Variants in DLC1 observed in about 807,000 individuals in gnomAD.
DLC1 encodes the protein DLC1 Rho GTPase activating protein.
In DLC1, 54 loss-of-function variants were observed where a neutral mutation model predicts 140.3. The observed-to-expected ratio is 0.38, with a 90% CI of 0.31 to 0.48. DLC1 has a LOEUF of 0.48. Ranked by LOEUF, DLC1 falls within the 20% of genes least tolerant of loss-of-function variation. The pLI is 0.96. For missense variants in DLC1, 2,536 were observed against 1,907.0 expected (o/e 1.33, Z -6.14); for synonymous variants, 986 against 728.1 (o/e 1.35, Z -5.70).
At chr8:13,227,265 T>C (rs896599698) in intron 5 of DLC1, among the ~76,000 whole-genome samples, 3 of 152,240 alleles carry the variant, frequency 2.0e-5, no homozygotes, top group African/African-American at 7.2e-5. Flanking sequence ...ACAAGAACTG[T>C]ATCGCCATCT....
intron 3 of DLC1, among the ~76,000 whole-genome samples, chr8:13,398,559 GCC>G (rs1045754887): frequency 1.4e-5 from 2 of 139,968 alleles, no homozygotes; most frequent in African/African-American, 5.4e-5. Flanking sequence ...GAGGCCAGGA[GCC>G]CTAGAACATA....
intron 2 of DLC1, among the ~76,000 whole-genome samples, chr8:13,431,482 C>CAAAAAAAAAAAAAAAAAAAAAA: frequency 2.5e-5 from 1 of 40,596 alleles, no homozygotes; most frequent in Non-Finnish European, 3.9e-5. Context: ...GACTCCGTCT[C>CAAAAAAAAAAAAAAAAAAAAAA]AAAAAAAAAA....
intron 4 of DLC1, among the ~76,000 whole-genome samples, chr8:13,351,848 A>C (rs1834682465): frequency 1.3e-5 from 2 of 152,234 alleles, no homozygotes; most frequent in African/African-American, 4.8e-5. Flanking sequence ...TTCTATCACA[A>C]CAATTTGATT....
At position 13,563,413 on chromosome 8, in the gene DLC1, A is replaced by T. The variant is rs558417402; in HGVS notation, c.-126+41124T>A. 1.3e-3 allele frequency among the ~76,000 whole-genome samples: 201 copies of T among 152,326 alleles called. 2 individuals carry two copies. Among genetic ancestry groups the T allele is most frequent in the African/African-American group, 4.7e-3 (195 of 41,590 alleles). The stretch of plus-strand genomic sequence containing the variant: ...TGGACAAAAGAACATTATATCCTAG[A>T]AAAAATGATGTACAGAAACTATAAA... On this transcript the variant is annotated intron_variant, in intron 1 of 1. Coordinates refer to the DLC1 transcript ENST00000631382.
At chr8:13,449,837 T>TC (rs1427817952) in intron 2 of DLC1, among the ~76,000 whole-genome samples, 11 of 152,066 alleles carry the variant, frequency 7.2e-5, no homozygotes, top group African/African-American at 2.7e-4. Context: ...ATCCTGTGTT[T>TC]CCATTTTGCA....
At chr8:13,236,936 C>A (rs1192710808) in intron 5 of DLC1, among the ~76,000 whole-genome samples, 2 of 151,924 alleles carry the variant, frequency 1.3e-5, no homozygotes, top group Non-Finnish European at 2.9e-5. Context: ...AACTTGGTGT[C>A]TCTAAAATAA....
intron 10 of DLC1, among the ~76,000 whole-genome samples, chr8:13,096,462 T>C (rs906161478): frequency 2.0e-5 from 3 of 152,048 alleles, no homozygotes; most frequent in African/African-American, 7.2e-5. Flanking sequence ...AGAGCAAAGT[T>C]AAGTTTGTAT....
chr8:13,550,401 T>G (rs767726340), intron 1 of DLC1, among the ~76,000 whole-genome samples: 2 of 152,136 alleles, frequency 1.3e-5, no homozygotes, highest in Non-Finnish European at 2.9e-5. Context: ...CTTCTCTTCT[T>G]TATGAATTAC....
intron 1 of DLC1, among the ~76,000 whole-genome samples, chr8:13,542,706 A>C (rs991520422): frequency 6.6e-5 from 10 of 152,052 alleles, no homozygotes; most frequent in Non-Finnish European, 1.5e-4. Context: ...GCCTTACATA[A>C]TTTTTGTTAA....
rs139408476 is a variant in DLC1, at chr8:13,466,621, C to T, written c.1023+32428G>A. On this transcript the variant is annotated intron_variant, in intron 2 of 17. Transcript: ENST00000276297. ...GAGGCACCTTGTAAACATCCACAAC[C>T]ATCTTCCCTGGAGCCCCATCAGAGC... Among the ~76,000 whole-genome samples, 626 of 152,262 alleles carry T rather than the reference C, an allele frequency of 4.1e-3. 7 individuals carry two copies. The highest frequency in any genetic ancestry group is 0.015 in the African/African-American group (607 of 41,558).
At chr8:13,413,163 C>T (rs536704113) in intron 2 of DLC1, among the ~76,000 whole-genome samples, 6 of 150,996 alleles carry the variant, frequency 4.0e-5, no homozygotes, top group African/African-American at 1.2e-4. Context: ...GAACACTACA[C>T]GAAGCTTTTC....
chr8:13,128,799 C>T (rs950886780), intron 5 of DLC1, among the ~76,000 whole-genome samples: 30 of 149,658 alleles, frequency 2.0e-4, no homozygotes, highest in Non-Finnish European at 1.0e-4. Context: ...TGCGCCACTG[C>T]ACTCCAGCCT....
At chr8:13,576,914 C>G (rs1804858990) in intron 1 of DLC1, among the ~76,000 whole-genome samples, 1 of 152,160 alleles carries the variant, frequency 6.6e-6, no homozygotes, top group Non-Finnish European at 1.5e-5. Context: ...TGGCACTGAA[C>G]AGAGGAACAT....
In DLC1 at chr8:13,091,439, A is replaced by T. The variant is rs762028634; in HGVS notation, c.3741-7T>A. 1 of 1,609,150 alleles carries T rather than the reference A, an allele frequency of 6.2e-7. No homozygotes were observed. Among genetic ancestry groups the T allele is most frequent in the East Asian group, 2.2e-5 (1 of 44,836 alleles). On this transcript the variant is annotated splice_polypyrimidine_tract_variant and splice_region_variant and intron_variant, in intron 13 of 17. Coordinates refer to ENST00000276297, the MANE Select transcript of DLC1 (RefSeq NM_182643.3). ...TTGTTTTCTTTGCATTACCCTAGGT[A>T]GAAGAAATACAGGAGGGGAACAGTT...
At chr8:13,290,980 C>T (rs753221240) in intron 5 of DLC1, among the ~76,000 whole-genome samples, 6 of 152,176 alleles carry the variant, frequency 3.9e-5, no homozygotes, top group Non-Finnish European at 8.8e-5. Context: ...GCGATCTTGG[C>T]TCCCTGCAAC....
rs377564387 is a variant in DLC1, at chr8:13,183,175, G to A, written c.1349-67518C>T. Among the ~76,000 whole-genome samples the A allele has an allele frequency of 1.5e-4, 23 of 152,298 alleles. No homozygotes were observed. In the East Asian group the frequency reaches 3.7e-3, roughly 24 times the overall value. The stretch of plus-strand genomic sequence containing the variant: ...TTTGTACATTGATTTTGTATCCTGA[G>A]ACTTTGCTGAAGTTGCTTATTAGCT... On this transcript the variant is annotated intron_variant, in intron 5 of 17. Transcript: ENST00000276297.
At chr8:13,514,879 C>G (rs1401235492), upstream of DLC1, 1 of 377,556 alleles carries the variant, frequency 2.6e-6, no homozygotes, top group African/African-American at 2.1e-5. Context: ...GCCTCCACAA[C>G]CAGGCCCAGA....
chr8:13,326,333 T>G (rs1302242664), intron 4 of DLC1, among the ~76,000 whole-genome samples: 1 of 152,234 alleles, frequency 6.6e-6, no homozygotes, highest in South Asian at 2.1e-4. Flanking sequence ...CATAGACCTA[T>G]ATACCTCAGC....
At chr8:13,219,257 A>G (rs1001663883) in intron 5 of DLC1, among the ~76,000 whole-genome samples, 3 of 137,566 alleles carry the variant, frequency 2.2e-5, no homozygotes, top group Non-Finnish European at 4.6e-5. Context: ...TTGAATATGA[A>G]TATAACTATA....
Sources: allele counts gnomAD v4.1 joint callset (sites outside exome capture counted in the v4.1 genomes callset), GRCh38; gene constraint gnomAD v4.1.1; transcripts MANE v1.5; gene names NCBI Gene and HGNC (gene_info 2026-07-23, HGNC 2026-07-21).